Variants in PREX2 observed in about 807,000 individuals in gnomAD.
The protein encoded by PREX2 is phosphatidylinositol-3,4,5-trisphosphate dependent Rac exchange factor 2, also known as phosphatidylinositol 3,4,5-trisphosphate-dependent Rac exchanger 2 protein.
In PREX2, 107 loss-of-function variants were observed where a neutral mutation model predicts 203.2. The ratio of observed to expected loss-of-function variants is 0.53; its 90% CI spans 0.45 to 0.62. The LOEUF is 0.62. Among genes scored for constraint, PREX2 ranks in the 20% least tolerant of loss-of-function variants. The pLI, the probability that PREX2 is intolerant of heterozygous loss-of-function variation, is 0.00. For missense variants in PREX2, 1,777 were observed against 1,955.9 expected (o/e 0.91, Z 1.72); for synonymous variants, 672 against 663.6 (o/e 1.01, Z -0.19).
Position 68,038,250 on chromosome 8 carries a change from T to C in PREX2, c.797T>C (p.Phe266Ser). 6.2e-7 allele frequency: 1 copy of C among 1,613,914 alleles called. No individual in the cohort carries two copies. The highest frequency in any genetic ancestry group is 8.5e-7 in the Non-Finnish European group (1 of 1,179,884). ...SSGNIQERVFFLFDNLLVYCK... is the reference protein window; with the variant it reads ...SSGNIQERVFSLFDNLLVYCK... ...GGAAATATTCAAGAACGGGTGTTTT[T>C]TCTTTTCGATAATCTTTTGGTGTAC... is the stretch of plus-strand genomic sequence containing the variant. The change falls in exon 7 of 40, where the codon TTT (phenylalanine) becomes TCT (serine). Residue 266 changes from phenylalanine (F) to serine (S), a missense_variant. Transcript: ENST00000288368.
intron 1 of PREX2, among the ~76,000 whole-genome samples, chr8:67,969,087 T>C (rs891429052): frequency 2.0e-5 from 3 of 152,116 alleles, no homozygotes; most frequent in Non-Finnish European, 4.4e-5. Flanking sequence ...GTGGCTGGGG[T>C]CACCATGCCA....
rs775211434 is a variant in PREX2 at position 68,019,603 on chromosome 8, G to A, written c.268G>A (p.Val90Ile). The change falls in exon 3 of 40, where the codon GTC (valine) becomes ATC (isoleucine). Residue 90 changes from valine (V) to isoleucine (I), a missense_variant. Physicochemically the swap from Val to Ile is conservative, Grantham distance 29. Coordinates refer to ENST00000288368, the MANE Select transcript of PREX2 (RefSeq NM_024870.4). ...TGCAGTACATAAAGAATTCTTAAAA[G>A]TCGTGGAAGAATGCTTACACCCCGA... ...ILAVHKEFLKVVEECLHPEPN... is the reference protein window; with the variant it reads ...ILAVHKEFLKIVEECLHPEPN... 2.0e-5 allele frequency: 32 copies of A among 1,613,290 alleles called. No homozygotes were observed. In the South Asian group the frequency reaches 3.4e-4, roughly 17 times the overall value.
At chr8:68,026,212 C>G (rs780556509) in intron 4 of PREX2, among the ~76,000 whole-genome samples, 1 of 152,070 alleles carries the variant, frequency 6.6e-6, no homozygotes, top group Non-Finnish European at 1.5e-5. Context: ...ACTTTGCTGA[C>G]TTGGACACAC....
In PREX2 at chr8:68,048,044, T is replaced by C. The variant is rs187895869; in HGVS notation, c.943+3454T>C. ...AAGTGCAAAAATTTGTATATATATT[T>C]ATTTAAGTCTGTCCATGTTATTAAT... On this transcript the variant is annotated intron_variant, in intron 8 of 39. Transcript: ENST00000288368. Among the ~76,000 whole-genome samples, 69 of 152,180 alleles carry C rather than the reference T, an allele frequency of 4.5e-4. 1 individual carries two copies. The highest frequency in any genetic ancestry group is 3.4e-3 in the Middle Eastern group (1 of 294).
intron 38 of PREX2, chr8:68,223,370 G>GT (rs1275302238): frequency 2.0e-5 from 3 of 152,150 alleles, no homozygotes; most frequent in African/African-American, 7.2e-5. Context: ...AGAATAATGA[G>GT]TTCAATTGAT....
At position 68,233,126 on chromosome 8, in the gene PREX2, A is replaced by G. The variant is rs1813199379; in HGVS notation, c.*1748A>G. The G allele has an allele frequency of 3.9e-5, 6 of 152,236 alleles. No homozygotes were observed. Among genetic ancestry groups the G allele is most frequent in the Admixed American group, 3.3e-4 (5 of 15,274 alleles). 9.4% of individuals were successfully genotyped at this position (152,236 alleles called of 1,614,324 possible). A position where few individuals can be genotyped will look rare whatever the true frequency, so the allele number is the denominator to read the frequency against. On this transcript the variant is annotated 3_prime_UTR_variant, in exon 40 of 40. Coordinates refer to ENST00000288368, the MANE Select transcript of PREX2 (RefSeq NM_024870.4). ...GAGAAGTCCATATACAATGAAAAAC[A>G]AGGAACCTAACATCAGAGTTTTCAA...
At chr8:68,188,513 C>T (rs1278479878) in intron 35 of PREX2, among the ~76,000 whole-genome samples, 1 of 152,142 alleles carries the variant, frequency 6.6e-6, no homozygotes, top group Non-Finnish European at 1.5e-5. Flanking sequence ...TTGTATTAGT[C>T]TGTTCTCATG....
chr8:68,207,277 G>T (rs1016933636), intron 37 of PREX2, among the ~76,000 whole-genome samples: 3 of 152,098 alleles, frequency 2.0e-5, no homozygotes, highest in African/African-American at 2.4e-5. Flanking sequence ...CCATTTAGAA[G>T]CCATAAGAGA....
chr8:68,156,829 A>G (rs533294505), intron 34 of PREX2, among the ~76,000 whole-genome samples: 1 of 152,290 alleles, frequency 6.6e-6, no homozygotes, highest in East Asian at 1.9e-4. Context: ...TTCTCTTCCT[A>G]GTACAGAGGG....
At chr8:67,988,186 T>G (rs1806492665) in intron 1 of PREX2, among the ~76,000 whole-genome samples, 1 of 152,208 alleles carries the variant, frequency 6.6e-6, no homozygotes, top group Non-Finnish European at 1.5e-5. Flanking sequence ...ACTATCTGCC[T>G]CTCCTAAATT....
chr8:68,066,132 A>C (rs1809009890), intron 11 of PREX2, among the ~76,000 whole-genome samples: 1 of 152,152 alleles, frequency 6.6e-6, no homozygotes, highest in Admixed American at 6.5e-5. Context: ...CATCCATGGA[A>C]ACTTAGGCTG....
At chr8:68,109,320 T>C in intron 24 of PREX2, 96 bp from the exon 25 acceptor site, 1 of 852,246 alleles carries the variant, frequency 1.2e-6, no homozygotes, top group Non-Finnish European at 1.8e-6. Flanking sequence ...TATAATTTTA[T>C]CTGTCAATTA....
At chr8:68,119,580 G>T (rs1810726325) in intron 28 of PREX2, 66 bp downstream of exon 28, 2 of 1,129,964 alleles carry the variant, frequency 1.8e-6, no homozygotes, top group Non-Finnish European at 2.7e-6. Flanking sequence ...TTTTTCATAT[G>T]CAGTAAAAGG....
chr8:67,953,435 G>C (rs933621435), intron 1 of PREX2, among the ~76,000 whole-genome samples: 4 of 152,096 alleles, frequency 2.6e-5, no homozygotes, highest in Non-Finnish European at 5.9e-5. Context: ...TTGCTGAAAA[G>C]ACAAAGAATT....
Position 68,080,852 on chromosome 8 carries a change from G to C in PREX2, c.1878+14G>C, listed in dbSNP as rs1174357231. On this transcript the variant is annotated intron_variant, in intron 17 of 39. Transcript: ENST00000288368. ...TCTAATGCTGAGGTAATGTAAATTA[G>C]CGTTTTAATTTAAATTTGTTATCAT... The C allele has an allele frequency of 7.6e-7, 1 of 1,308,636 alleles. No individual in the cohort carries two copies. The highest frequency in any genetic ancestry group is 1.1e-6 in the Non-Finnish European group (1 of 919,642). The allele number at this position is 1,308,636 out of a possible 1,614,324, so 81.1% of individuals were successfully genotyped here. A position where few individuals can be genotyped will look rare whatever the true frequency, so the allele number is the denominator to read the frequency against.
chr8:68,140,993 A>G (rs1811218586), intron 33 of PREX2, among the ~76,000 whole-genome samples: 1 of 152,184 alleles, frequency 6.6e-6, no homozygotes, highest in Admixed American at 6.5e-5. Flanking sequence ...TATTAAATAT[A>G]TATAACATGC....
At chr8:68,143,603 C>G (rs1161651632) in intron 33 of PREX2, among the ~76,000 whole-genome samples, 1 of 152,126 alleles carries the variant, frequency 6.6e-6, no homozygotes, top group Non-Finnish European at 1.5e-5. Context: ...CAGTTTTTAT[C>G]AGATGTGTCT....
intron 33 of PREX2, among the ~76,000 whole-genome samples, chr8:68,145,087 G>T (rs1811299714): frequency 6.6e-6 from 1 of 151,994 alleles, no homozygotes; most frequent in Non-Finnish European, 1.5e-5. Flanking sequence ...ATTTTCTTTA[G>T]TGTCCATAGT....
intron 6 of PREX2, among the ~76,000 whole-genome samples, chr8:68,036,423 A>T (rs1488600183): frequency 6.6e-6 from 1 of 152,160 alleles, no homozygotes; most frequent in Non-Finnish European, 1.5e-5. Context: ...GAAAATTAAG[A>T]TGATATCTGC....
Sources: allele counts gnomAD v4.1 joint callset (sites outside exome capture counted in the v4.1 genomes callset), GRCh38; gene constraint gnomAD v4.1.1; transcripts MANE v1.5; gene names NCBI Gene and HGNC (gene_info 2026-07-23, HGNC 2026-07-21).